ADGB: variants seen among roughly 807,000 people sequenced by gnomAD.
ADGB encodes the protein calpain-7-like protein.
A neutral mutation model predicts 210.5 loss-of-function variants in ADGB; 172 were observed. That is an observed-to-expected ratio of 0.82 (90% CI 0.72 to 0.93). The LOEUF (loss-of-function observed/expected upper bound fraction) is 0.93. Ranked by LOEUF, ADGB falls within the 40% of genes least tolerant of loss-of-function variation. The probability of loss-of-function intolerance (pLI) is 0.00; values close to 1 mark genes in which losing one functional copy is unlikely to be tolerated. For missense variants in ADGB, 2,025 were observed against 1,964.8 expected (o/e 1.03, Z -0.58); for synonymous variants, 658 against 662.7 (o/e 0.99, Z 0.11).
intron 3 of ADGB, among the ~76,000 whole-genome samples, chr6:146,646,403 G>A (rs1180842824): frequency 2.0e-5 from 3 of 152,060 alleles, no homozygotes; most frequent in African/African-American, 7.2e-5. Context: ...AGGTAGACAG[G>A]TGTTTATTAA....
chr6:146,710,750 C>T (rs1027204610), intron 13 of ADGB, among the ~76,000 whole-genome samples: 8 of 151,902 alleles, frequency 5.3e-5, no homozygotes, highest in African/African-American at 1.9e-4. Flanking sequence ...AAAGATTATC[C>T]AGAAGATAAT....
chr6:146,642,537 T>C (rs1426429208), intron 2 of ADGB, among the ~76,000 whole-genome samples: 1 of 151,982 alleles, frequency 6.6e-6, no homozygotes, highest in African/African-American at 2.4e-5. Context: ...ATATACACTA[T>C]GGATACATAT....
At chr6:146,709,100 T>G (rs1776620729) in intron 13 of ADGB, among the ~76,000 whole-genome samples, 1 of 152,200 alleles carries the variant, frequency 6.6e-6, no homozygotes, top group Admixed American at 6.5e-5. Flanking sequence ...AAATTTCTTA[T>G]CTTAGTTGTT....
chr6:146,808,810 T>A (rs1778254117), intron 35 of ADGB, among the ~76,000 whole-genome samples: 1 of 152,166 alleles, frequency 6.6e-6, no homozygotes, highest in Non-Finnish European at 1.5e-5. Flanking sequence ...CTCCTAATTT[T>A]TTTTTTGAGA....
chr6:146,630,623 A>G (rs1781051027), intron 1 of ADGB, among the ~76,000 whole-genome samples: 1 of 152,150 alleles, frequency 6.6e-6, no homozygotes, highest in South Asian at 2.1e-4. Context: ...TGATGATCAG[A>G]GTGCTATGGC....
Position 146,644,851 on chromosome 6 carries a change from A to G in ADGB, c.316A>G (p.Ile106Val). 6.7e-7 allele frequency: 1 copy of G among 1,485,740 alleles called. No individual in the cohort carries two copies. The highest frequency in any genetic ancestry group is 9.0e-7 in the Non-Finnish European group (1 of 1,116,448). 92.0% of individuals were successfully genotyped at this position (1,485,740 alleles called of 1,614,324 possible). A position where few individuals can be genotyped will look rare whatever the true frequency, so the allele number is the denominator to read the frequency against. Residue 106 changes from isoleucine to valine, a missense_variant, in exon 3 of 36, where the codon ATT (isoleucine) becomes GTT (valine). By Grantham distance (29) the Ile-to-Val change is conservative (BLOSUM62 3). Transcript: ENST00000397944. ...KIYSWKRPQD[I>V]LFSQTPVVVK... Reference sequence around the variant, plus strand: ...TTATTCCTGGAAACGTCCACAAGATATTTTATTTAGTCAGGTAAGAAAGTT... The same window carrying G: ...TTATTCCTGGAAACGTCCACAAGATGTTTTATTTAGTCAGGTAAGAAAGTT...
At chr6:146,713,301 A>G (rs545251784) in intron 13 of ADGB, among the ~76,000 whole-genome samples, 1 of 152,284 alleles carries the variant, frequency 6.6e-6, no homozygotes, top group South Asian at 2.1e-4. Flanking sequence ...GGATATGGTA[A>G]TCATTTGAGG....
intron 1 of ADGB, among the ~76,000 whole-genome samples, chr6:146,632,272 T>C (rs1781076857): frequency 6.6e-6 from 1 of 152,190 alleles, no homozygotes. Context: ...CCTCGGCTTG[T>C]GGCCACTTTT....
At chr6:146,810,208 T>A (rs562318084) in intron 35 of ADGB, among the ~76,000 whole-genome samples, 10 of 152,256 alleles carry the variant, frequency 6.6e-5, no homozygotes, top group African/African-American at 2.4e-4. Flanking sequence ...TATGCAAAGG[T>A]ACTCAGCATC....
intron 35 of ADGB, among the ~76,000 whole-genome samples, chr6:146,809,590 T>C (rs181916896): frequency 2.6e-5 from 4 of 152,254 alleles, no homozygotes; most frequent in East Asian, 1.9e-4. Flanking sequence ...GATCCACCCA[T>C]GTCAGCTTGC....
Position 146,692,844 on chromosome 6 carries a change from T to C in ADGB, c.1506T>C (p.Pro502=). Residue 502 remains proline (P), a synonymous_variant, in exon 12 of 36, where the codon CCT becomes CCC. Transcript: ENST00000397944. ...TTTTAGAGTTAATAGTAAAGAAGCC[T>C]GAACGGTTCCTTGAGATTTCAAGTC... ...DEAQELIVKK[P]ERFLEISSPF... The C allele has an allele frequency of 1.3e-6, 2 of 1,536,298 alleles. No individual in the cohort carries two copies. Among genetic ancestry groups the C allele is most frequent in the East Asian group, 2.5e-5 (1 of 40,702 alleles).
At chr6:146,626,756 G>A (rs1040377234) in intron 1 of ADGB, among the ~76,000 whole-genome samples, 1 of 150,470 alleles carries the variant, frequency 6.6e-6, no homozygotes, top group African/African-American at 2.4e-5. Context: ...GTTTTTTTCA[G>A]TCTTTCTCGA....
chr6:146,767,683 C>G (rs1777597185), intron 28 of ADGB, among the ~76,000 whole-genome samples: 1 of 148,110 alleles, frequency 6.8e-6, no homozygotes, highest in African/African-American at 2.4e-5. Flanking sequence ...CCATGTTGGC[C>G]AGGCTGGTCT....
At chr6:146,717,490 C>A in intron 15 of ADGB, 46 bp from the exon 16 acceptor site, 1 of 1,078,742 alleles carries the variant, frequency 9.3e-7, no homozygotes, top group Middle Eastern at 2.0e-4. Context: ...TAGTACTAGT[C>A]TTTGCCTATA....
chr6:146,674,361 T>C (rs906524887), intron 8 of ADGB, among the ~76,000 whole-genome samples: 1 of 152,148 alleles, frequency 6.6e-6, no homozygotes, highest in East Asian at 1.9e-4. Context: ...AATTGGTTTT[T>C]TTTTTTAAGT....
chr6:146,708,257 C>A (rs890707263), intron 13 of ADGB, among the ~76,000 whole-genome samples: 58 of 152,176 alleles, frequency 3.8e-4, no homozygotes, highest in African/African-American at 1.3e-3. Context: ...ATTTAAACAT[C>A]ACCATTACAG....
intron 1 of ADGB, among the ~76,000 whole-genome samples, chr6:146,616,884 C>T (rs996135457): frequency 9.2e-5 from 14 of 151,990 alleles, no homozygotes; most frequent in Non-Finnish European, 7.4e-5. Flanking sequence ...AGTGTGATGC[C>T]TCGAGCTTTG....
chr6:146,613,284 A>T (rs1045883389), intron 1 of ADGB, among the ~76,000 whole-genome samples: 4 of 152,250 alleles, frequency 2.6e-5, no homozygotes, highest in African/African-American at 4.8e-5. Flanking sequence ...ATTTTAATTT[A>T]AAAAATATTT....
chr6:146,755,037 A>C (rs1174386765), intron 27 of ADGB, among the ~76,000 whole-genome samples: 1 of 152,046 alleles, frequency 6.6e-6, no homozygotes, highest in East Asian at 1.9e-4. Context: ...AGTTTTACAT[A>C]TGTATATGCT....
Sources: gnomAD v4.1 joint callset for allele counts (sites outside exome capture counted in the v4.1 genomes callset) on GRCh38, gnomAD v4.1.1 for gene constraint, MANE v1.5 for transcripts, NCBI Gene and HGNC (gene_info 2026-07-23, HGNC 2026-07-21) for gene names.